IRAG2: variants seen among roughly 807,000 people sequenced by gnomAD.
The protein encoded by IRAG2 is lymphoid restricted membrane protein.
IRAG2 carries 45 observed loss-of-function variants against 69.9 expected under a neutral mutation model. The ratio of observed to expected loss-of-function variants is 0.64; its 90% CI spans 0.51 to 0.83. The LOEUF is 0.83. IRAG2 is among the 40% of genes least tolerant of loss of function. The pLI is 0.00. For missense variants in IRAG2, 520 were observed against 587.0 expected (o/e 0.89, Z 1.18); for synonymous variants, 193 against 202.4 (o/e 0.95, Z 0.40).
intron 17 of IRAG2, 154 bp from the exon 18 acceptor site, chr12:25,103,683 C>A: frequency 1.8e-6 from 1 of 559,512 alleles, no homozygotes. Flanking sequence ...TTCTGGAAGA[C>A]AATTTGGCCA....
At chr12:25,069,512 TC>T in intron 6 of IRAG2, 81 bp downstream of exon 6, 1 of 1,279,932 alleles carries the variant, frequency 7.8e-7, no homozygotes. Context: ...TTTTTCCCTG[TC>T]TTTTTTATTT....
Position 25,104,078 on chromosome 12 carries a change from T to C in IRAG2, c.1046+20T>C. ...CAGTTGGTAAGTGTAATTTTATGGT[T>C]CCTCTTTGGGAACCTTACTATTTTA... On this transcript the variant is annotated intron_variant, in intron 19 of 21. Transcript: ENST00000556887. 6.2e-7 allele frequency: 1 copy of C among 1,609,686 alleles called. No homozygotes were observed. Among genetic ancestry groups the C allele is most frequent in the Non-Finnish European group, 8.5e-7 (1 of 1,177,274 alleles).
At chr12:25,046,410 T>C (rs1246567662) in intron 16 of IRAG2, among the ~76,000 whole-genome samples, 1 of 151,964 alleles carries the variant, frequency 6.6e-6, no homozygotes, top group Non-Finnish European at 1.5e-5. Flanking sequence ...AGAAGTAAAA[T>C]GATCTCTGCA....
intron 2 of IRAG2, among the ~76,000 whole-genome samples, chr12:25,010,972 T>C (rs914817704): frequency 1.3e-5 from 2 of 152,212 alleles, no homozygotes; most frequent in African/African-American, 2.4e-5. Flanking sequence ...ACTTCCTTCA[T>C]TGAAGGCTTT....
chr12:25,013,684 GTAA>G (rs752304790), intron 3 of IRAG2, among the ~76,000 whole-genome samples: 1 of 151,930 alleles, frequency 6.6e-6, no homozygotes, highest in Non-Finnish European at 1.5e-5. Context: ...GTCATTTAAA[GTAA>G]TAATATTTGA....
In IRAG2 at chr12:25,096,957, T is replaced by G. The variant is rs1948455448; in HGVS notation, c.654T>G (p.Ile218Met). 1.2e-6 allele frequency: 2 copies of G among 1,613,694 alleles called. No individual in the cohort carries two copies. Among genetic ancestry groups the G allele is most frequent in the South Asian group, 2.2e-5 (2 of 91,068 alleles). Residue 218 changes from isoleucine to methionine, a missense_variant, in exon 15 of 22, where the codon ATT (isoleucine) becomes ATG (methionine). Ile to Met is a conservative substitution (Grantham distance 10, BLOSUM62 1). Transcript: ENST00000556887. ...CEDDNQAQEI[I>M]KKLEKSIKFL... ...ATGACAACCAGGCACAGGAAATCAT[T>G]AAGAAGCTGGAGAAGAGTATAAAGT...
At chr12:25,077,244 T>TATATATGAA (rs1565562566) in intron 6 of IRAG2, among the ~76,000 whole-genome samples, 1 of 63,896 alleles carries the variant, frequency 1.6e-5, no homozygotes, top group Non-Finnish European at 3.4e-5. Flanking sequence ...ATATATGAAA[T>TATATATGAA]ATATATATGA....
Position 25,102,205 on chromosome 12 carries a change from C to A in IRAG2, c.897C>A (p.Cys299Ter). The part of the protein sequence containing the change: ...SFNPLEDDDD[C>*]QIKKRSASLN... The stretch of plus-strand genomic sequence containing the variant: ...ATGTGTTTTTCCTTTCAGATGACTG[C>A]CAAATTAAAAAACGTTCAGCTTCTC... Residue 299 changes from cysteine to a stop codon, truncating the protein, a stop_gained, in exon 17 of 22, where the codon TGC becomes TGA. Coordinates refer to ENST00000556887, the MANE Select transcript of IRAG2 (RefSeq NM_001366544.2). LOFTEE classifies it high-confidence loss of function. The A allele has an allele frequency of 1.2e-6, 2 of 1,612,844 alleles. No individual in the cohort carries two copies. The highest frequency in any genetic ancestry group is 8.5e-7 in the Non-Finnish European group (1 of 1,179,256).
At chr12:25,007,203 G>A (rs149905087) in intron 2 of IRAG2, among the ~76,000 whole-genome samples, 66 of 152,236 alleles carry the variant, frequency 4.3e-4, no homozygotes, top group African/African-American at 1.4e-3. Flanking sequence ...TTATTTTGAG[G>A]CAAATCGCAG....
At chr12:25,054,493 T>G (rs1029759333) in intron 1 of IRAG2, among the ~76,000 whole-genome samples, 1 of 152,226 alleles carries the variant, frequency 6.6e-6, no homozygotes, top group Non-Finnish European at 1.5e-5. Context: ...TCAACTTTAA[T>G]AACTTACCCC....
chr12:25,001,916 T>C (rs1944394396), upstream of IRAG2, among the ~76,000 whole-genome samples: 2 of 151,890 alleles, frequency 1.3e-5, no homozygotes, highest in South Asian at 4.2e-4. Flanking sequence ...ATTACAGGCA[T>C]GTACCAACCA....
intron 14 of IRAG2, chr12:25,093,237 T>G (rs11834088): frequency 0.58 from 88,499 of 153,756 alleles, 28,823 homozygotes; most frequent in East Asian, 0.9. Flanking sequence ...CTGAGTCTAT[T>G]GCTTCACTTC....
chr12:24,998,653 C>A, the IRAG2 span, among the ~76,000 whole-genome samples: 1 of 151,014 alleles, frequency 6.6e-6, no homozygotes, highest in African/African-American at 2.4e-5. Flanking sequence ...GTTGTTTTGG[C>A]AAAAGGAATC....
intron 7 of IRAG2, among the ~76,000 whole-genome samples, chr12:25,022,003 G>T (rs1254481356): frequency 6.6e-6 from 1 of 152,188 alleles, no homozygotes. Context: ...AAGAGCCCAC[G>T]CTTGGGAGTC....
upstream of IRAG2, chr12:25,052,618 A>G (rs1294285831): frequency 2.5e-6 from 1 of 397,366 alleles, no homozygotes; most frequent in Admixed American, 4.4e-5. Context: ...CTGTAGAAAT[A>G]GCTCAGGCAT....
intron 16 of IRAG2, 31 bp downstream of exon 16, chr12:25,101,356 T>A (rs774583902): frequency 2.0e-6 from 3 of 1,488,478 alleles, no homozygotes; most frequent in Non-Finnish European, 2.7e-6. Flanking sequence ...TAGTATTAGT[T>A]GTGTTTTTCT....
intron 16 of IRAG2, among the ~76,000 whole-genome samples, chr12:25,042,396 T>C (rs569608459): frequency 6.6e-6 from 1 of 152,334 alleles, no homozygotes; most frequent in South Asian, 2.1e-4. Flanking sequence ...CTTTACATGA[T>C]GATAAAATTT....
intron 6 of IRAG2, chr12:25,076,312 C>T (rs2140072258): frequency 2.8e-6 from 2 of 713,058 alleles, no homozygotes; most frequent in South Asian, 6.4e-5. Flanking sequence ...TCTCCAAAAT[C>T]ACATAATTAT....
chr12:25,095,186 T>G (rs1294677852), intron 14 of IRAG2, among the ~76,000 whole-genome samples: 1 of 152,196 alleles, frequency 6.6e-6, no homozygotes, highest in Non-Finnish European at 1.5e-5. Context: ...CTTTCACCAC[T>G]GAGTATAATC....
Sources: allele counts gnomAD v4.1 joint callset (sites outside exome capture counted in the v4.1 genomes callset), GRCh38; gene constraint gnomAD v4.1.1; transcripts MANE v1.5; gene names NCBI Gene and HGNC (gene_info 2026-07-23, HGNC 2026-07-21).